ISG20L2: variants seen among roughly 807,000 people sequenced by gnomAD.
The protein encoded by ISG20L2 is interferon stimulated exonuclease gene 20 like 2.
Under a neutral mutation model 27.8 loss-of-function variants are expected in ISG20L2, and 14 were observed. That is an observed-to-expected ratio of 0.50 (90% CI 0.33 to 0.79). The LOEUF (loss-of-function observed/expected upper bound fraction) is 0.79, where lower values mean the gene tolerates loss of function less well. ISG20L2 is among the 30% of genes least tolerant of loss of function. The pLI, the probability that ISG20L2 is intolerant of heterozygous loss-of-function variation, is 0.02. For missense variants in ISG20L2, 393 were observed against 435.1 expected (o/e 0.90, Z 0.86); for synonymous variants, 157 against 165.7 (o/e 0.95, Z 0.40).
chr1:156,726,554 T>C (rs986238609), intron 2 of ISG20L2: 42 of 763,444 alleles, frequency 5.5e-5, no homozygotes, highest in Non-Finnish European at 6.7e-5. Flanking sequence ...GTACCACACT[T>C]GGCTAACTTT....
At chr1:156,725,939 G>GA in intron 2 of ISG20L2, 1 of 985,576 alleles carries the variant, frequency 1.0e-6, no homozygotes, top group Non-Finnish European at 1.2e-6. Context: ...GTGTGGACCT[G>GA]AAACTGCAAA....
At chr1:156,724,410 G>A in intron 2 of ISG20L2, 62 bp from the exon 3 acceptor site, 3 of 1,479,612 alleles carry the variant, frequency 2.0e-6, no homozygotes, top group Non-Finnish European at 2.8e-6. Context: ...CCTGCATTCT[G>A]AAAGCCCAAC....
chr1:156,727,031 C>T lies in ISG20L2; in HGVS notation c.622G>A (p.Gly208Arg), dbSNP rs752787723. 1.9e-6 allele frequency: 3 copies of T among 1,614,200 alleles called. No homozygotes were observed. Among genetic ancestry groups the T allele is most frequent in the East Asian group, 2.2e-5 (1 of 44,892 alleles). Residue 208 changes from glycine (G) to arginine (R), a missense_variant, in exon 2 of 4, where the codon GGA (glycine) becomes AGA (arginine). This residue lies in a region of ISG20L2 where 171 missense variants were observed against 195.3 expected (regional missense o/e 0.88). Coordinates refer to ENST00000368219, the MANE Select transcript of ISG20L2 (RefSeq NM_001370150.2). ...ATGTACTCGTCATAAAGCACATCTC[C>T]GTTGTAGTTGACAATGCTACATCGA... ...LARCSIVNYNGDVLYDEYILP... is the reference protein window; with the variant it reads ...LARCSIVNYNRDVLYDEYILP...
Position 156,727,599 on chromosome 1 carries a change from T to A in ISG20L2, c.54A>T (p.Ala18=), listed in dbSNP as rs563249124. Residue 18 remains alanine (A), a synonymous_variant, in exon 2 of 4, where the codon GCA becomes GCT. Transcript: ENST00000368219. The part of the protein sequence containing the change: ...LDFGEPPPKK[A]LEGNAKHRNF... The stretch of plus-strand genomic sequence containing the variant: ...TTCGGTGCTTGGCATTTCCTTCTAA[T>A]GCCTTTTTGGGAGGAGGTTCCCCAA... The A allele has an allele frequency of 6.2e-7, 1 of 1,614,138 alleles. No homozygotes were observed. The highest frequency in any genetic ancestry group is 1.3e-5 in the African/African-American group (1 of 75,048).
At position 156,727,689 on chromosome 1, in the gene ISG20L2, T is replaced by G; in HGVS notation, c.-37A>C. The stretch of plus-strand genomic sequence containing the variant: ...AAGGCGGAAGAGTAGTTGGGAAGAG[T>G]GGCTTATGGATGAAAAGAGGATGTG... On this transcript the variant is annotated 5_prime_UTR_variant, in exon 2 of 4. Transcript: ENST00000368219. 1 of 1,585,054 alleles carries G rather than the reference T, an allele frequency of 6.3e-7. No individual in the cohort carries two copies. Among genetic ancestry groups the G allele is most frequent in the Non-Finnish European group, 8.5e-7 (1 of 1,169,774 alleles).
intron 2 of ISG20L2, chr1:156,726,704 A>T (rs976122251): frequency 1.0e-6 from 1 of 985,258 alleles, no homozygotes; most frequent in African/African-American, 1.7e-5. Flanking sequence ...TTGACCAATG[A>T]AGTTTGTGAC....
At position 156,728,441 on chromosome 1, in the gene ISG20L2, G is replaced by T. The variant is rs1446986595; in HGVS notation, c.-144C>A. ...TCCCAGACGGGTCCAGCTAAGACCGGAAGCGTCCGGAGCCGGATGCGGAAA... is the reference window on the plus strand; with the variant it reads ...TCCCAGACGGGTCCAGCTAAGACCGTAAGCGTCCGGAGCCGGATGCGGAAA... On this transcript the variant is annotated 5_prime_UTR_variant, in exon 1 of 4. Coordinates refer to ENST00000368219, the MANE Select transcript of ISG20L2 (RefSeq NM_001370150.2). 5 of 985,628 alleles carry T rather than the reference G, an allele frequency of 5.1e-6. No homozygotes were observed. The South Asian group carries it at 1.4e-4, about 28-fold the overall frequency. The allele number at this position is 985,628 out of a possible 1,614,324, so 61.1% of individuals were successfully genotyped here. A position where few individuals can be genotyped will look rare whatever the true frequency, so the allele number is the denominator to read the frequency against.
At chr1:156,726,692 T>C in intron 2 of ISG20L2, 1 of 985,400 alleles carries the variant, frequency 1.0e-6, no homozygotes, top group Non-Finnish European at 1.2e-6. Flanking sequence ...CTAAAATAGA[T>C]CTTGACCAAT....
intron 2 of ISG20L2, chr1:156,724,576 C>G (rs1490624205): frequency 1.5e-6 from 2 of 1,318,848 alleles, no homozygotes; most frequent in African/African-American, 2.9e-5. Context: ...CTGCCAGTGG[C>G]TCCTTACCTT....
In ISG20L2 at chr1:156,727,456, G is replaced by A. The variant is rs759960220; in HGVS notation, c.197C>T (p.Thr66Met). The change falls in exon 2 of 4, where the codon ACG becomes ATG. Residue 66 changes from threonine to methionine, a missense_variant. Thr to Met is a moderately conservative substitution (Grantham distance 81). Coordinates refer to ENST00000368219, the MANE Select transcript of ISG20L2 (RefSeq NM_001370150.2). ...AGGGGTCTTCCAAGTGCCATCGACC[G>A]TAGGAGTTTCCCCTTTCTTTGAAGG... ...SEPSKKGETP[T>M]VDGTWKTPSF... is the part of the protein sequence containing the mutation. 3.7e-5 allele frequency: 59 copies of A among 1,613,828 alleles called. No homozygotes were observed. In the East Asian group the frequency reaches 6.7e-4, roughly 18 times the overall value.
intron 1 of ISG20L2, 189 bp downstream of exon 1, chr1:156,728,226 T>C (rs895969311): frequency 2.0e-6 from 2 of 985,926 alleles, no homozygotes; most frequent in Non-Finnish European, 2.4e-6. Context: ...CAGGCATCCC[T>C]TTCCCTTGGC....
At chr1:156,726,641 C>T (rs1399696151) in intron 2 of ISG20L2, 3 of 968,452 alleles carry the variant, frequency 3.1e-6, no homozygotes, top group Non-Finnish European at 3.7e-6. Flanking sequence ...GCCTCAGCCT[C>T]CCAAAGTGCT....
At position 156,727,279 on chromosome 1, in the gene ISG20L2, G is replaced by A; in HGVS notation, c.374C>T (p.Ala125Val). 3 of 1,614,100 alleles carry A rather than the reference G, an allele frequency of 1.9e-6. No homozygotes were observed. The highest frequency in any genetic ancestry group is 1.1e-5 in the South Asian group (1 of 91,082). Residue 125 changes from alanine (A) to valine (V), a missense_variant, in exon 2 of 4, where the codon GCC (alanine) becomes GTC (valine). Physicochemically the swap from Ala to Val is moderately conservative, Grantham distance 64 (BLOSUM62 0). Around this residue, in one of 3 missense-constraint regions of ISG20L2, gnomAD observed 183 missense variants for 168.2 expected, o/e 1.09. Transcript: ENST00000368219. ...KVDLLGEFQS[A>V]LPKINSHPTR... ...TGGGTGGCTATTGATCTTTGGAAGG[G>A]CACTCTGGAACTCCCCCAGCAAATC...
At position 156,728,675 on chromosome 1, in the gene ISG20L2, G is replaced by A; in HGVS notation, c.-378C>T. On this transcript the variant is annotated 5_prime_UTR_variant, in exon 1 of 4. Transcript: ENST00000368219. ...CCCCGGCCCCTCTAGCCCCGTGGTGGTACAACGCGAAGGTGTGGGAAGGCC... is the reference window on the plus strand; with the variant it reads ...CCCCGGCCCCTCTAGCCCCGTGGTGATACAACGCGAAGGTGTGGGAAGGCC... 1 of 988,288 alleles carries A rather than the reference G, an allele frequency of 1.0e-6. No homozygotes were observed. The highest frequency in any genetic ancestry group is 4.5e-5 in the South Asian group (1 of 22,304). 61.2% of individuals were successfully genotyped at this position (988,288 alleles called of 1,614,324 possible).
Position 156,727,217 on chromosome 1 carries a change from A to G in ISG20L2, c.436T>C (p.Ser146Pro). 1 of 1,613,872 alleles carries G rather than the reference A, an allele frequency of 6.2e-7. No individual in the cohort carries two copies. The highest frequency in any genetic ancestry group is 8.5e-7 in the Non-Finnish European group (1 of 1,180,004). The change falls in exon 2 of 4, where the codon TCT (serine) becomes CCT (proline). Residue 146 changes from serine to proline, a missense_variant. Physicochemically the swap from Ser to Pro is moderately conservative, Grantham distance 74. Around this residue, in one of 3 missense-constraint regions of ISG20L2, gnomAD observed 183 missense variants for 168.2 expected, o/e 1.09. Coordinates refer to ENST00000368219, the MANE Select transcript of ISG20L2 (RefSeq NM_001370150.2). ...SQKKSSQKKSSKKNHPQKNAP... is the reference protein window; with the variant it reads ...SQKKSSQKKSPKKNHPQKNAP... ...TTCTTCTGAGGATGGTTCTTTTTAGAGGATTTCTTCTGGGAGCTCTTCTTC... is the reference window on the plus strand; with the variant it reads ...TTCTTCTGAGGATGGTTCTTTTTAGGGGATTTCTTCTGGGAGCTCTTCTTC...
Position 156,728,514 on chromosome 1 carries a change from C to T in ISG20L2, c.-217G>A, listed in dbSNP as rs1378602936. ...GGGAAGGCAGGCGCGCGGGTTAGAA[C>T]GCGCCAGAGGTCGGCGCGCGCACAC... is the stretch of plus-strand genomic sequence containing the variant. On this transcript the variant is annotated 5_prime_UTR_variant, in exon 1 of 4. Coordinates refer to ENST00000368219, the MANE Select transcript of ISG20L2 (RefSeq NM_001370150.2). 1 of 985,634 alleles carries T rather than the reference C, an allele frequency of 1.0e-6. No homozygotes were observed. Among genetic ancestry groups the T allele is most frequent in the East Asian group, 1.1e-4 (1 of 8,802 alleles). The allele number at this position is 985,634 out of a possible 1,614,324, so 61.1% of individuals were successfully genotyped here. A position where few individuals can be genotyped will look rare whatever the true frequency, so the allele number is the denominator to read the frequency against.
Position 156,727,386 on chromosome 1 carries a change from T to C in ISG20L2, c.267A>G (p.Gly89=). The change falls in exon 2 of 4, where the codon GGA becomes GGG. Residue 89 remains glycine (G), a synonymous_variant. Transcript: ENST00000368219. ...KKTAASSNGS[G]QPLDKKAAVS... ...CTGCAGCTTTCTTGTCCAGGGGCTG[T>C]CCTGACCCATTGCTGGAAGCAGCTG... 1 of 1,614,168 alleles carries C rather than the reference T, an allele frequency of 6.2e-7. No individual in the cohort carries two copies. The highest frequency in any genetic ancestry group is 8.5e-7 in the Non-Finnish European group (1 of 1,180,032).
chr1:156,726,035 G>C lies in ISG20L2; in HGVS notation c.747+871C>G, dbSNP rs1164529057. The C allele has an allele frequency of 2.1e-5, 21 of 985,250 alleles. 1 individual carries two copies. In the South Asian group the frequency reaches 8.0e-4, roughly 37 times the overall value. 61.0% of individuals were successfully genotyped at this position (985,250 alleles called of 1,614,324 possible). ...TTCACTTCCTCTTTCACCCCTCCCA[G>C]CTCACTCTCCTTTCCGTTCATGCCT... On this transcript the variant is annotated intron_variant, in intron 2 of 3. Transcript: ENST00000368219.
chr1:156,727,459 G>A lies in ISG20L2; in HGVS notation c.194C>T (p.Pro65Leu), dbSNP rs1464886967. 1 of 1,613,944 alleles carries A rather than the reference G, an allele frequency of 6.2e-7. No homozygotes were observed. Among genetic ancestry groups the A allele is most frequent in the Non-Finnish European group, 8.5e-7 (1 of 1,180,000 alleles). The change falls in exon 2 of 4, where the codon CCT becomes CTT. Residue 65 changes from proline to leucine, a missense_variant. Pro to Leu is a moderately conservative substitution (Grantham distance 98, BLOSUM62 -3). Coordinates refer to ENST00000368219, the MANE Select transcript of ISG20L2 (RefSeq NM_001370150.2). ...HSEPSKKGET[P>L]TVDGTWKTPS... ...GGTCTTCCAAGTGCCATCGACCGTAGGAGTTTCCCCTTTCTTTGAAGGTTC... is the reference window on the plus strand; with the variant it reads ...GGTCTTCCAAGTGCCATCGACCGTAAGAGTTTCCCCTTTCTTTGAAGGTTC...
Sources: gnomAD v4.1 joint callset for allele counts on GRCh38, gnomAD v4.1.1 for gene constraint, gnomAD v4.1.1 regional missense constraint, MANE v1.5 for transcripts, NCBI Gene and HGNC (gene_info 2026-07-23, HGNC 2026-07-21) for gene names.